The following FOXJ3 variants were observed in gnomAD, a reference collection of about 807,000 sequenced individuals.
The protein encoded by FOXJ3 is forkhead box J3.
A neutral mutation model predicts 76.1 loss-of-function variants in FOXJ3; 22 were observed. The ratio of observed to expected loss-of-function variants is 0.29; its 90% CI spans 0.21 to 0.41. The LOEUF is 0.41. FOXJ3 is among the 10% of genes least tolerant of loss of function. The pLI, the probability that FOXJ3 is intolerant of heterozygous loss-of-function variation, is 1.00. For missense variants in FOXJ3, 613 were observed against 762.1 expected, an observed-to-expected ratio of 0.80 and a Z score of 2.30; for synonymous variants, 269 against 261.2, an observed-to-expected ratio of 1.03 and a Z score of -0.29.
intron 5 of FOXJ3, among the ~76,000 whole-genome samples, chr1:42,206,688 G>A (rs997192588): frequency 1.3e-5 from 2 of 152,070 alleles, no homozygotes; most frequent in African/African-American, 4.8e-5. Flanking sequence ...AATGAAAAAT[G>A]AGATATCCTC....
At chr1:42,287,524 T>C (rs531398028) in intron 2 of FOXJ3, among the ~76,000 whole-genome samples, 1 of 152,290 alleles carries the variant, frequency 6.6e-6, no homozygotes, top group African/African-American at 2.4e-5. Flanking sequence ...CCAGAACTTC[T>C]CCAACTCTTC....
chr1:42,283,895 G>T (rs1652885640), intron 2 of FOXJ3, among the ~76,000 whole-genome samples: 1 of 152,112 alleles, frequency 6.6e-6, no homozygotes, highest in East Asian at 1.9e-4. Flanking sequence ...ATTCAGGATG[G>T]TATTGCACCT....
In FOXJ3 at chr1:42,297,003, G is replaced by A. The variant is rs985833686; in HGVS notation, c.44+14047C>T. 2.0e-5 allele frequency among the ~76,000 whole-genome samples: 3 copies of A among 152,082 alleles called. 1 individual carries two copies. The highest frequency in any genetic ancestry group is 4.1e-4 in the South Asian group (2 of 4,824). On this transcript the variant is annotated intron_variant, in intron 2 of 12. Transcript: ENST00000361346. The stretch of plus-strand genomic sequence containing the variant: ...CCATTGGTGTTATATAGTTCTCCTC[G>A]TAAAGATCTTTCACCTCCTTGGTTA...
intron 5 of FOXJ3, among the ~76,000 whole-genome samples, chr1:42,221,981 GGGAGGGGGAGGGGGAGGGGGAGGA>G (rs1647198706): frequency 1.3e-4 from 1 of 7,752 alleles, no homozygotes; most frequent in South Asian, 0.011. Context: ...AAGGGGGAGG[GGGAGGGGGAGGGGGAGGGGGAGGA>G]GGAGGAGAAG....
At chr1:42,218,095 A>C (rs1352485425) in intron 5 of FOXJ3, among the ~76,000 whole-genome samples, 1 of 152,182 alleles carries the variant, frequency 6.6e-6, no homozygotes, top group Non-Finnish European at 1.5e-5. Flanking sequence ...TTCTACAGCT[A>C]AGAGTAGGCA....
chr1:42,254,919 CT>C, intron 4 of FOXJ3, among the ~76,000 whole-genome samples: 1 of 150,366 alleles, frequency 6.7e-6, no homozygotes, highest in East Asian at 2.0e-4. Context: ...ACATATGTAA[CT>C]AACCTGCACA....
intron 6 of FOXJ3, among the ~76,000 whole-genome samples, chr1:42,201,574 A>C (rs1460203915): frequency 9.2e-5 from 14 of 152,214 alleles, no homozygotes; most frequent in Admixed American, 9.2e-4. Context: ...TCTAGAATAC[A>C]ACTGTGTTTG....
At chr1:42,273,967 T>G (rs547151193) in intron 3 of FOXJ3, among the ~76,000 whole-genome samples, 1 of 152,304 alleles carries the variant, frequency 6.6e-6, no homozygotes, top group South Asian at 2.1e-4. Flanking sequence ...CTCTTTAGTC[T>G]GGCACCTTTT....
At chr1:42,218,181 C>T (rs188572952) in intron 5 of FOXJ3, among the ~76,000 whole-genome samples, 1 of 152,348 alleles carries the variant, frequency 6.6e-6, no homozygotes, top group African/African-American at 2.4e-5. Context: ...CAGACTCCAC[C>T]TCAGAGAGGG....
chr1:42,188,437 G>A (rs541075280), intron 11 of FOXJ3, among the ~76,000 whole-genome samples: 1 of 152,114 alleles, frequency 6.6e-6, no homozygotes, highest in African/African-American at 2.4e-5. Flanking sequence ...CTATAAAAAC[G>A]TAAGTATCTC....
intron 5 of FOXJ3, among the ~76,000 whole-genome samples, chr1:42,223,090 C>CCCTG (rs1219018164): frequency 6.6e-6 from 1 of 152,154 alleles, no homozygotes; most frequent in Non-Finnish European, 1.5e-5. Flanking sequence ...CACCACAGTA[C>CCCTG]CCTAGTACAA....
intron 1 of FOXJ3, among the ~76,000 whole-genome samples, chr1:42,329,110 T>C (rs532607611): frequency 3.3e-5 from 5 of 152,332 alleles, no homozygotes; most frequent in African/African-American, 1.2e-4. Context: ...TATCAGTTGA[T>C]ATACATGTCA....
At chr1:42,303,673 G>A (rs545121899) in intron 2 of FOXJ3, among the ~76,000 whole-genome samples, 3 of 152,314 alleles carry the variant, frequency 2.0e-5, no homozygotes, top group Admixed American at 6.5e-5. Flanking sequence ...ACAAAAATGA[G>A]TGATAAAAAG....
intron 5 of FOXJ3, among the ~76,000 whole-genome samples, chr1:42,212,947 T>A: frequency 7.1e-6 from 1 of 140,834 alleles, no homozygotes; most frequent in African/African-American, 2.7e-5. Context: ...GCCAAGAATT[T>A]TGTATCTAGC....
intron 3 of FOXJ3, among the ~76,000 whole-genome samples, chr1:42,273,314 C>T (rs900461400): frequency 2.0e-5 from 3 of 152,140 alleles, no homozygotes; most frequent in Admixed American, 2.0e-4. Flanking sequence ...ACTGCCAAAG[C>T]CTAGCATACT....
At chr1:42,269,974 G>A (rs1205319761) in intron 3 of FOXJ3, among the ~76,000 whole-genome samples, 1 of 151,996 alleles carries the variant, frequency 6.6e-6, no homozygotes. Context: ...ATGCAATTTT[G>A]GTGTTACCCC....
intron 3 of FOXJ3, among the ~76,000 whole-genome samples, chr1:42,268,909 G>T (rs1415175247): frequency 1.3e-5 from 2 of 152,072 alleles, no homozygotes; most frequent in African/African-American, 2.4e-5. Context: ...AGGCCTCAGA[G>T]AATTTATTTC....
At chr1:42,204,628 G>T (rs1646825475) in intron 6 of FOXJ3, among the ~76,000 whole-genome samples, 1 of 152,032 alleles carries the variant, frequency 6.6e-6, no homozygotes, top group Non-Finnish European at 1.5e-5. Context: ...ACGTATTTCT[G>T]GGCCCTATTC....
chr1:42,303,018 C>T (rs2124737325), intron 2 of FOXJ3, among the ~76,000 whole-genome samples: 1 of 151,836 alleles, frequency 6.6e-6, no homozygotes, highest in Middle Eastern at 3.4e-3. Context: ...TTTTCTATTA[C>T]CTTTTTCCAC....
Sources: allele counts gnomAD v4.1 joint callset (sites outside exome capture counted in the v4.1 genomes callset), GRCh38; gene constraint gnomAD v4.1.1; transcripts MANE v1.5; gene names NCBI Gene and HGNC (gene_info 2026-07-23, HGNC 2026-07-21).